The following SEMA4D variants were observed in gnomAD, a reference collection of about 807,000 sequenced individuals.
The protein encoded by SEMA4D is semaphorin-4D.
SEMA4D carries 22 observed loss-of-function variants against 74.8 expected under a neutral mutation model. The observed-to-expected ratio is 0.29, with a 90% confidence interval of 0.21 to 0.42. SEMA4D has a LOEUF of 0.42. Among genes scored for constraint, SEMA4D ranks in the 10% least tolerant of loss-of-function variants. The pLI is 1.00. For synonymous variants in SEMA4D, 445 were observed against 463.7 expected, an observed-to-expected ratio of 0.96 and a Z score of 0.52; for missense variants, 937 against 1,118.4, an observed-to-expected ratio of 0.84 and a Z score of 2.31.
At chr9:89,392,704 T>C (rs1445046205) in intron 7 of SEMA4D, among the ~76,000 whole-genome samples, 168 bp from the exon 8 acceptor site, 1 of 144,802 alleles carries the variant, frequency 6.9e-6, no homozygotes, top group Non-Finnish European at 1.6e-5. Flanking sequence ...CTGTGTCTTC[T>C]AGTTCTTTCT....
chr9:89,495,549 T>A (rs1475158835), intron 1 of SEMA4D, among the ~76,000 whole-genome samples: 2 of 152,170 alleles, frequency 1.3e-5, no homozygotes, highest in Non-Finnish European at 2.9e-5. Context: ...CAGCTGCCTC[T>A]GCCACCTCCC....
Position 89,392,547 on chromosome 9 carries a change from C to G in SEMA4D, c.509-11G>C. ...AATAAAGTTCTCCATCTGCAGGGGC[C>G]CAGAAGAAAAGAGGAAAAGGGAACC... is the stretch of plus-strand genomic sequence containing the variant. On this transcript the variant is annotated splice_polypyrimidine_tract_variant and intron_variant, in intron 7 of 15. Transcript: ENST00000422704. 1 of 1,590,068 alleles carries G rather than the reference C, an allele frequency of 6.3e-7. No individual in the cohort carries two copies. Among genetic ancestry groups the G allele is most frequent in the East Asian group, 2.2e-5 (1 of 44,752 alleles).
chr9:89,415,000 A>C (rs1046544424), intron 2 of SEMA4D, among the ~76,000 whole-genome samples: 17 of 152,220 alleles, frequency 1.1e-4, no homozygotes, highest in Admixed American at 5.9e-4. Context: ...ATCTATCAGC[A>C]ATGTCGGCAG....
chr9:89,439,711 C>T (rs184049231), intron 2 of SEMA4D, among the ~76,000 whole-genome samples: 10 of 152,212 alleles, frequency 6.6e-5, no homozygotes, highest in Admixed American at 2.0e-4. Flanking sequence ...CGCAGCTGGC[C>T]GGACCCCAGA....
Position 89,381,056 on chromosome 9 carries a change from C to G in SEMA4D, c.1662G>C (p.Pro554=). The G allele has an allele frequency of 2.5e-6, 4 of 1,614,078 alleles. No homozygotes were observed. The highest frequency in any genetic ancestry group is 3.4e-6 in the Non-Finnish European group (4 of 1,180,038). Reference sequence around the variant, plus strand: ...ATGGGACGTCGAGGAGTCACTCACCCGGGCACACAGAAGCATCGCCGCTCA... The same window carrying G: ...ATGGGACGTCGAGGAGTCACTCACCGGGGCACACAGAAGCATCGCCGCTCA... ...QEMSGDASVC[P]DKSKGSYRQH... The change falls in exon 15 of 16, where the codon CCG becomes CCC. Residue 554 remains proline, a splice_region_variant and synonymous_variant. Transcript: ENST00000422704. This position sits in a 1 kb window ranked among gnomAD's most constrained non-coding sequence, Gnocchi z 4.6.
At chr9:89,362,575 T>G in intron 18 of SEMA4D, 1 of 1,418,276 alleles carries the variant, frequency 7.1e-7, no homozygotes, top group Non-Finnish European at 9.8e-7. Flanking sequence ...AGTCTAAAGA[T>G]CCAAATGCCA....
chr9:89,378,857 G>C lies in SEMA4D; in HGVS notation c.2436C>G (p.Asp812Glu). The change falls in exon 16 of 16, where the codon GAC becomes GAG. Residue 812 changes from aspartate (D) to glutamate (E), a missense_variant. Asp to Glu is a conservative substitution (Grantham distance 45). Coordinates refer to ENST00000422704, the MANE Select transcript of SEMA4D (RefSeq NM_001371194.2). ...QNGEHPKPALDTGYETEQDTI... is the reference protein window; with the variant it reads ...QNGEHPKPALETGYETEQDTI... ...TGTCTTGCTCGGTCTCATAGCCGGT[G>C]TCCAGGGCTGGCTTGGGGTGCTCCC... The C allele has an allele frequency of 6.2e-7, 1 of 1,614,208 alleles. No individual in the cohort carries two copies. The highest frequency in any genetic ancestry group is 8.5e-7 in the Non-Finnish European group (1 of 1,180,040).
At chr9:89,474,031 C>A in intron 1 of SEMA4D, among the ~76,000 whole-genome samples, 1 of 152,146 alleles carries the variant, frequency 6.6e-6, no homozygotes, top group Non-Finnish European at 1.5e-5. Flanking sequence ...GGTACCATGC[C>A]CACAGCAGCA....
intron 8 of SEMA4D, 116 bp downstream of exon 8, chr9:89,392,307 G>T: frequency 2.8e-6 from 2 of 715,752 alleles, no homozygotes; most frequent in Non-Finnish European, 4.9e-6. Context: ...CCCACAAACA[G>T]GGGCTAACAC....
At chr9:89,445,644 C>A (rs184895447) in intron 2 of SEMA4D, among the ~76,000 whole-genome samples, 5 of 152,132 alleles carry the variant, frequency 3.3e-5, no homozygotes, top group African/African-American at 1.2e-4. Context: ...GCTCGGCTCA[C>A]GTGATTATGG....
At chr9:89,454,516 G>C (rs1855464260) in intron 2 of SEMA4D, among the ~76,000 whole-genome samples, 1 of 152,170 alleles carries the variant, frequency 6.6e-6, no homozygotes. Flanking sequence ...AAATCAAACA[G>C]AGCAGCTTCT....
At chr9:89,453,998 C>T (rs1588015526) in intron 2 of SEMA4D, among the ~76,000 whole-genome samples, 1 of 152,160 alleles carries the variant, frequency 6.6e-6, no homozygotes, top group African/African-American at 2.4e-5. Flanking sequence ...GCTGGGACTA[C>T]AGGCGCCCGC....
At chr9:89,404,616 G>A (rs1022920620) in intron 3 of SEMA4D, among the ~76,000 whole-genome samples, 1 of 149,828 alleles carries the variant, frequency 6.7e-6, no homozygotes, top group African/African-American at 2.4e-5. Flanking sequence ...ACCCGCCTCA[G>A]CATCCCAGGA....
chr9:89,406,965 C>G, intron 2 of SEMA4D, among the ~76,000 whole-genome samples: 1 of 151,530 alleles, frequency 6.6e-6, no homozygotes, highest in Middle Eastern at 3.4e-3. Flanking sequence ...ACCCCACCCC[C>G]ACCCCCAATC....
In SEMA4D at chr9:89,405,201, G is replaced by A. The variant is rs1843078850; in HGVS notation, c.106+150C>T. 42 of 669,034 alleles carry A rather than the reference G, an allele frequency of 6.3e-5. No homozygotes were observed. In the South Asian group the frequency reaches 7.1e-4, roughly 11 times the overall value. 41.4% of individuals were successfully genotyped at this position (669,034 alleles called of 1,614,324 possible). ...TCAGCCACTCACCTCAGCATCTCAG[G>A]AAGTGGAGTCCCTGTCCCGTTCCCA... is the stretch of plus-strand genomic sequence containing the variant. On this transcript the variant is annotated intron_variant, in intron 3 of 15. Coordinates refer to ENST00000422704, the MANE Select transcript of SEMA4D (RefSeq NM_001371194.2).
intron 1 of SEMA4D, among the ~76,000 whole-genome samples, chr9:89,457,849 C>T (rs916608584): frequency 2.0e-5 from 3 of 151,350 alleles, no homozygotes; most frequent in African/African-American, 7.3e-5. Context: ...CTAGCTAACA[C>T]GGTGAAACCC....
downstream of SEMA4D, chr9:89,376,616 C>A (rs936087840): frequency 3.2e-6 from 2 of 624,860 alleles, no homozygotes; most frequent in Admixed American, 6.6e-5. Context: ...CACTGGTTGA[C>A]CCCTGTACAC....
chr9:89,390,874 A>T lies in SEMA4D; in HGVS notation c.774+390T>A, dbSNP rs1685480523. ...TACTTAAAGATTTGTGTTTTGACAA[A>T]CTTCTGTATTGGTTCTCTCTTCTTA... On this transcript the variant is annotated intron_variant, in intron 9 of 15. Transcript: ENST00000422704. Among the ~76,000 whole-genome samples the T allele has an allele frequency of 3.9e-5, 6 of 152,104 alleles. No individual in the cohort carries two copies. In the South Asian group the frequency reaches 1.2e-3, roughly 32 times the overall value.
At chr9:89,476,187 C>CT (rs1186108447) in intron 1 of SEMA4D, among the ~76,000 whole-genome samples, 5 of 152,212 alleles carry the variant, frequency 3.3e-5, no homozygotes, top group African/African-American at 1.2e-4. Flanking sequence ...CAAGCCCTGC[C>CT]TGCTCTGGGG....
Sources: allele counts gnomAD v4.1 joint callset (sites outside exome capture counted in the v4.1 genomes callset), GRCh38; gene constraint gnomAD v4.1.1; non-coding constraint Gnocchi (gnomAD v3.1); transcripts MANE v1.5; gene names NCBI Gene and HGNC (gene_info 2026-07-23, HGNC 2026-07-21).